Variants in RPS6KA2 observed in about 807,000 individuals in gnomAD.
The protein encoded by RPS6KA2 is ribosomal protein S6 kinase A2.
RPS6KA2 carries 42 observed loss-of-function variants against 91.8 expected under a neutral mutation model. The observed-to-expected ratio is 0.46, with a 90% CI of 0.36 to 0.59. The LOEUF is 0.59. Among genes scored for constraint, RPS6KA2 ranks in the 20% least tolerant of loss-of-function variants. The pLI, the probability that RPS6KA2 is intolerant of heterozygous loss-of-function variation, is 0.00. For synonymous variants in RPS6KA2, 414 were observed against 393.6 expected (o/e 1.05, Z -0.61); for missense variants, 798 against 978.5 (o/e 0.82, Z 2.46).
At chr6:166,469,326 G>GTTT (rs60876703) in intron 11 of RPS6KA2, among the ~76,000 whole-genome samples, 17,014 of 137,638 alleles carry the variant, frequency 0.12, 1,035 homozygotes, top group Middle Eastern at 0.18. Flanking sequence ...CGGCACTGTT[G>GTTT]TTTTTTTTTT....
chr6:166,417,207 C>A (rs1364388354), intron 19 of RPS6KA2, among the ~76,000 whole-genome samples: 1 of 152,184 alleles, frequency 6.6e-6, no homozygotes, highest in Non-Finnish European at 1.5e-5. Context: ...TACCTCTGGA[C>A]AAGAGCTCTA....
At position 166,603,771 on chromosome 6, in the gene RPS6KA2, T is replaced by C. The variant is rs1238462522; in HGVS notation, c.99+23150A>G. 2.0e-5 allele frequency among the ~76,000 whole-genome samples: 3 copies of C among 152,222 alleles called. No individual in the cohort carries two copies. Among genetic ancestry groups the C allele is most frequent in the Non-Finnish European group, 1.5e-5 (1 of 68,042 alleles). On this transcript the variant is annotated intron_variant, in intron 1 of 20. Transcript: ENST00000265678. This position sits in a 1 kb window ranked among gnomAD's most constrained non-coding sequence, Gnocchi z 4.3. ...CAGAAGGGAGGCCAGGGAATGGCTG[T>C]GGCCCAGGTGTATCAAATAAATGCC... is the stretch of plus-strand genomic sequence containing the variant.
rs565983111 is a variant in RPS6KA2, at chr6:166,437,144, G to C, written c.1333-4654C>G. On this transcript the variant is annotated intron_variant, in intron 14 of 20. Coordinates refer to ENST00000265678, the MANE Select transcript of RPS6KA2 (RefSeq NM_021135.6). The surrounding 1 kb of genome is among the most constrained non-coding windows in gnomAD (Gnocchi z 4.3). ...GCAGTGAGGTGTGGCTACAGTCCTGGAGTACATGACCTGGATCTGCTGCGG... is the reference window on the plus strand; with the variant it reads ...GCAGTGAGGTGTGGCTACAGTCCTGCAGTACATGACCTGGATCTGCTGCGG... Among the ~76,000 whole-genome samples the C allele has an allele frequency of 1.3e-5, 2 of 152,196 alleles. No individual in the cohort carries two copies. Among genetic ancestry groups the C allele is most frequent in the South Asian group, 4.2e-4 (2 of 4,818 alleles).
At chr6:166,532,831 G>C (rs1427348698) in intron 2 of RPS6KA2, among the ~76,000 whole-genome samples, 1 of 150,522 alleles carries the variant, frequency 6.6e-6, no homozygotes, top group Non-Finnish European at 1.5e-5. Context: ...GAGTGTGAGA[G>C]AGAGAGAGAG....
chr6:166,596,880 T>G (rs575929023), intron 1 of RPS6KA2, among the ~76,000 whole-genome samples: 34 of 152,234 alleles, frequency 2.2e-4, no homozygotes, highest in African/African-American at 7.5e-4. Context: ...ATCTTTACTG[T>G]GGGACCAGCA....
chr6:166,592,946 T>C (rs1054436972), intron 1 of RPS6KA2, among the ~76,000 whole-genome samples: 2 of 152,164 alleles, frequency 1.3e-5, no homozygotes, highest in East Asian at 3.8e-4. Context: ...AAACTCGAAT[T>C]CAACATCAAG....
intron 2 of RPS6KA2, among the ~76,000 whole-genome samples, chr6:166,797,521 C>A (rs1480160274): frequency 2.0e-5 from 3 of 152,094 alleles, no homozygotes; most frequent in African/African-American, 2.4e-5. Context: ...ATACTGTATT[C>A]TCACAATAGG....
Position 166,602,830 on chromosome 6 carries a change from C to T in RPS6KA2, c.99+24091G>A, listed in dbSNP as rs183554654. On this transcript the variant is annotated intron_variant, in intron 1 of 20. Transcript: ENST00000265678. ...ATTTCTTAAGCTGAATTTATGGGTG[C>T]AAAGGTGTTTCTTAACAGTATTTTG... Among the ~76,000 whole-genome samples the T allele has an allele frequency of 1.2e-3, 177 of 152,306 alleles. 1 individual carries two copies. Among genetic ancestry groups the T allele is most frequent in the African/African-American group, 4.1e-3 (171 of 41,566 alleles).
At chr6:166,663,680 C>T (rs1353397396) in intron 2 of RPS6KA2, among the ~76,000 whole-genome samples, 2 of 152,154 alleles carry the variant, frequency 1.3e-5, no homozygotes, top group Non-Finnish European at 2.9e-5. Context: ...GGGAAGCTGC[C>T]GCCAGAGGCC....
chr6:166,734,317 C>G (rs1790611797), intron 2 of RPS6KA2, among the ~76,000 whole-genome samples: 1 of 152,152 alleles, frequency 6.6e-6, no homozygotes, highest in African/African-American at 2.4e-5. Context: ...TGACATCGAC[C>G]CTTTGGAGTA....
At chr6:166,789,804 T>C (rs1273755916) in intron 2 of RPS6KA2, among the ~76,000 whole-genome samples, 2 of 152,240 alleles carry the variant, frequency 1.3e-5, no homozygotes, top group Non-Finnish European at 2.9e-5. Flanking sequence ...CTGAGGGTCC[T>C]GTCTGTTAGA....
intron 3 of RPS6KA2, among the ~76,000 whole-genome samples, chr6:166,527,752 C>G (rs1449999096): frequency 6.6e-6 from 1 of 152,188 alleles, no homozygotes; most frequent in African/African-American, 2.4e-5. Flanking sequence ...CATCTACTTC[C>G]TGTCTCTAGG....
chr6:166,757,428 C>A (rs1583085272), intron 2 of RPS6KA2: 1 of 441,040 alleles, frequency 2.3e-6, no homozygotes, highest in Admixed American at 2.4e-5. Context: ...AACAGCTTGC[C>A]CCTGGCCGCC....
At position 166,737,338 on chromosome 6, in the gene RPS6KA2, G is replaced by A. The variant is rs1337558964; in HGVS notation, c.123+120862C>T. 6.6e-6 allele frequency among the ~76,000 whole-genome samples: 1 copy of A among 152,194 alleles called. No individual in the cohort carries two copies. Among genetic ancestry groups the A allele is most frequent in the African/African-American group, 2.4e-5 (1 of 41,444 alleles). ...GACCCTTCACCCCAGCGGCAGCCTG[G>A]TGTGATAATTGGTAGGTAACCAGTT... is the stretch of plus-strand genomic sequence containing the variant. On this transcript the variant is annotated intron_variant, in intron 2 of 21. Coordinates refer to the RPS6KA2 transcript ENST00000503859. This position sits in a 1 kb window ranked among gnomAD's most constrained non-coding sequence, Gnocchi z 4.3.
At chr6:166,777,750 G>T (rs1225979507) in intron 2 of RPS6KA2, among the ~76,000 whole-genome samples, 1 of 152,154 alleles carries the variant, frequency 6.6e-6, no homozygotes, top group Non-Finnish European at 1.5e-5. Flanking sequence ...AGAGGGTATG[G>T]AAAGGTTATG....
intron 1 of RPS6KA2, chr6:166,862,094 T>C: frequency 6.2e-7 from 1 of 1,614,172 alleles, no homozygotes. Flanking sequence ...AAGTGCGTTC[T>C]CTCCTGCACT....
intron 2 of RPS6KA2, among the ~76,000 whole-genome samples, chr6:166,842,473 A>G (rs541823851): frequency 6.6e-6 from 1 of 152,338 alleles, no homozygotes; most frequent in Non-Finnish European, 1.5e-5. Flanking sequence ...AGTCCCCAGC[A>G]GCAGCCAGCC....
chr6:166,519,814 A>G (rs560255299), intron 3 of RPS6KA2, among the ~76,000 whole-genome samples: 13 of 152,306 alleles, frequency 8.5e-5, no homozygotes, highest in African/African-American at 3.1e-4. Context: ...TGATTTTTAA[A>G]TGATCTCCAC....
intron 16 of RPS6KA2, among the ~76,000 whole-genome samples, chr6:166,425,945 A>T (rs1039233797): frequency 4.4e-4 from 67 of 152,158 alleles, no homozygotes; most frequent in African/African-American, 1.6e-3. Flanking sequence ...CTCTGCACCA[A>T]GCAGACCTAA....
Sources: gnomAD v4.1 joint callset for allele counts (sites outside exome capture counted in the v4.1 genomes callset) on GRCh38, gnomAD v4.1.1 for gene constraint, Gnocchi (gnomAD v3.1) non-coding constraint, MANE v1.5 for transcripts, NCBI Gene and HGNC (gene_info 2026-07-23, HGNC 2026-07-21) for gene names.